Variants in TENM4 observed in about 807,000 individuals in gnomAD.
TENM4 encodes the protein teneurin-4.
Under a neutral mutation model 243.3 loss-of-function variants are expected in TENM4, and 82 were observed. The observed-to-expected ratio is 0.34, with a 90% CI of 0.28 to 0.40. The LOEUF is 0.40. TENM4 is among the 10% of genes least tolerant of loss of function. The pLI is 1.00. For synonymous variants in TENM4, 1,412 were observed against 1,456.3 expected, an observed-to-expected ratio of 0.97 and a Z score of 0.69; for missense variants, 3,138 against 3,673.3, an observed-to-expected ratio of 0.85 and a Z score of 3.77.
At chr11:79,409,200 GA>G (rs201108563) in intron 1 of TENM4, among the ~76,000 whole-genome samples, 187 of 130,632 alleles carry the variant, frequency 1.4e-3, no homozygotes, top group East Asian at 3.9e-3. Context: ...TTCTCTTCCA[GA>G]AAAAAAAAAA....
chr11:79,294,000 A>C (rs1856403145), intron 2 of TENM4, among the ~76,000 whole-genome samples: 1 of 152,238 alleles, frequency 6.6e-6, no homozygotes, highest in African/African-American at 2.4e-5. Context: ...AGGATGGCTT[A>C]TGCTGTCTCC....
chr11:79,129,592 T>C (rs1861957258), intron 4 of TENM4, among the ~76,000 whole-genome samples: 3 of 151,916 alleles, frequency 2.0e-5, no homozygotes, highest in Non-Finnish European at 2.9e-5. Flanking sequence ...GGGAGCTGGG[T>C]GAGGCCTGTG....
intron 1 of TENM4, among the ~76,000 whole-genome samples, chr11:79,390,174 AG>A (rs1451873083): frequency 6.6e-6 from 1 of 152,196 alleles, no homozygotes; most frequent in Non-Finnish European, 1.5e-5. Context: ...GAAATAGTGC[AG>A]GGCTTGGCAG....
At chr11:79,071,075 C>G (rs191653388) in intron 4 of TENM4, among the ~76,000 whole-genome samples, 47 of 152,260 alleles carry the variant, frequency 3.1e-4, no homozygotes, top group African/African-American at 1.1e-3. Context: ...GACCCTTCTG[C>G]CCTACACTGA....
In TENM4 at chr11:79,206,865, CCTT is replaced by C. The variant is rs538741889; in HGVS notation, c.-163+8940_-163+8942del. Among the ~76,000 whole-genome samples the C allele has an allele frequency of 1.2e-3, 188 of 152,316 alleles. 3 individuals carry two copies. The highest frequency in any genetic ancestry group is 0.011 in the Admixed American group (172 of 15,294). On this transcript the variant is annotated intron_variant, in intron 3 of 33. Transcript: ENST00000278550. Reference sequence around the variant, plus strand: ...CACGCTCCTCACCATGTAGCTTTAACCTTCTTTGCCTAAATCCCTGCAAACACC... The same window carrying C: ...CACGCTCCTCACCATGTAGCTTTAACCTTTGCCTAAATCCCTGCAAACACC...
intron 4 of TENM4, among the ~76,000 whole-genome samples, chr11:79,112,882 C>T (rs1167283948): frequency 6.6e-6 from 1 of 152,302 alleles, no homozygotes; most frequent in African/African-American, 2.4e-5. Context: ...GTCACTTATA[C>T]TTCAAATGTC....
chr11:78,805,008 A>C (rs1008117777), intron 15 of TENM4, among the ~76,000 whole-genome samples: 8 of 152,122 alleles, frequency 5.3e-5, no homozygotes, highest in Non-Finnish European at 1.2e-4. Flanking sequence ...ACATGAGATG[A>C]GAGTTCGGTG....
At chr11:79,032,589 G>A (rs1859272973) in intron 6 of TENM4, among the ~76,000 whole-genome samples, 1 of 152,172 alleles carries the variant, frequency 6.6e-6, no homozygotes, top group Admixed American at 6.5e-5. Flanking sequence ...CAGGTAATCA[G>A]GCGCCGTTCC....
At position 78,657,850 on chromosome 11, in the gene TENM4, A is replaced by G; in HGVS notation, c.*208T>C. On this transcript the variant is annotated 3_prime_UTR_variant, in exon 34 of 34. Transcript: ENST00000278550. ...CATTGTGATCACACTACAGAAAAAAATACCTTCTGTTCTTTGCAAAAAATG... is the reference window on the plus strand; with the variant it reads ...CATTGTGATCACACTACAGAAAAAAGTACCTTCTGTTCTTTGCAAAAAATG... 1.4e-6 allele frequency: 1 copy of G among 694,438 alleles called. No individual in the cohort carries two copies. Among genetic ancestry groups the G allele is most frequent in the Non-Finnish European group, 2.4e-6 (1 of 410,648 alleles). The allele number at this position is 694,438 out of a possible 1,614,324, so 43.0% of individuals were successfully genotyped here. A position where few individuals can be genotyped will look rare whatever the true frequency, so the allele number is the denominator to read the frequency against.
chr11:79,302,066 G>T (rs1190519088), intron 1 of TENM4, among the ~76,000 whole-genome samples: 1 of 152,172 alleles, frequency 6.6e-6, no homozygotes, highest in East Asian at 1.9e-4. Context: ...CCGGAATTTA[G>T]CATGGTACTT....
intron 2 of TENM4, among the ~76,000 whole-genome samples, chr11:79,230,297 G>A (rs1565260167): frequency 2.6e-5 from 4 of 152,238 alleles, no homozygotes; most frequent in Non-Finnish European, 5.9e-5. Context: ...AGAGACATAC[G>A]GTGTATTATG....
chr11:78,983,317 G>T (rs1857843972), intron 6 of TENM4, among the ~76,000 whole-genome samples: 1 of 152,142 alleles, frequency 6.6e-6, no homozygotes, highest in African/African-American at 2.4e-5. Flanking sequence ...CCAAAGAGTG[G>T]GTTGCCCACT....
At position 78,894,171 on chromosome 11, in the gene TENM4, G is replaced by A. The variant is rs1309076987; in HGVS notation, c.750-2835C>T. Among the ~76,000 whole-genome samples the A allele has an allele frequency of 2.0e-5, 3 of 152,094 alleles. No homozygotes were observed. The East Asian group carries it at 5.8e-4, about 29-fold the overall frequency. On this transcript the variant is annotated intron_variant, in intron 7 of 33. Coordinates refer to ENST00000278550, the MANE Select transcript of TENM4 (RefSeq NM_001098816.3). ...CATTCTGATTGTTTCCTCCATCCCT[G>A]CATTTCAGGAGGGAACTGTCCACTC...
chr11:78,819,461 C>T (rs1489687143), intron 12 of TENM4, among the ~76,000 whole-genome samples: 1 of 152,156 alleles, frequency 6.6e-6, no homozygotes, highest in Non-Finnish European at 1.5e-5. Flanking sequence ...ACCTGGACAG[C>T]CCAATTGCCT....
chr11:79,403,494 G>A (rs564942696), intron 1 of TENM4, among the ~76,000 whole-genome samples: 3 of 152,208 alleles, frequency 2.0e-5, no homozygotes, highest in African/African-American at 7.2e-5. Flanking sequence ...GACCAAAAGG[G>A]GCAACTCACT....
chr11:78,716,397 A>G (rs1340104480), intron 25 of TENM4, among the ~76,000 whole-genome samples: 1 of 152,194 alleles, frequency 6.6e-6, no homozygotes, highest in Non-Finnish European at 1.5e-5. Context: ...AGCACCAATT[A>G]AACTTTTCTG....
At chr11:78,685,029 C>G (rs991886509) in intron 29 of TENM4, among the ~76,000 whole-genome samples, 70 of 152,008 alleles carry the variant, frequency 4.6e-4, no homozygotes, top group Admixed American at 2.2e-3. Flanking sequence ...AGGCCCCCCC[C>G]ACTCCCTCCT....
intron 6 of TENM4, among the ~76,000 whole-genome samples, chr11:78,919,495 C>A (rs1238297538): frequency 6.6e-6 from 1 of 152,086 alleles, no homozygotes; most frequent in Non-Finnish European, 1.5e-5. Context: ...TCAGGCCAAT[C>A]AGAGGCAATC....
At chr11:79,204,784 C>T (rs888573770) in intron 3 of TENM4, among the ~76,000 whole-genome samples, 1 of 152,114 alleles carries the variant, frequency 6.6e-6, no homozygotes, top group Non-Finnish European at 1.5e-5. Flanking sequence ...AGGATATCAG[C>T]AAAAACCTTC....
Sources: allele counts gnomAD v4.1 joint callset (sites outside exome capture counted in the v4.1 genomes callset), GRCh38; gene constraint gnomAD v4.1.1; transcripts MANE v1.5; gene names NCBI Gene and HGNC (gene_info 2026-07-23, HGNC 2026-07-21).